RASA3: variants seen among roughly 807,000 people sequenced by gnomAD.
The protein encoded by RASA3 is RAS p21 protein activator 3, also known as ras GTPase-activating protein 3.
A neutral mutation model predicts 110.0 loss-of-function variants in RASA3; 73 were observed. The ratio of observed to expected loss-of-function variants is 0.66; its 90% CI spans 0.55 to 0.81. The LOEUF (loss-of-function observed/expected upper bound fraction) is 0.81. Among genes scored for constraint, RASA3 ranks in the 30% least tolerant of loss-of-function variants. The probability of loss-of-function intolerance (pLI) is 0.00; values close to 1 mark genes in which losing one functional copy is unlikely to be tolerated. For synonymous variants in RASA3, 500 were observed against 451.4 expected (o/e 1.11, Z -1.37); for missense variants, 976 against 1,113.2 (o/e 0.88, Z 1.75).
At chr13:113,990,824 T>C (rs1463368877) in intron 22 of RASA3, among the ~76,000 whole-genome samples, 1 of 152,252 alleles carries the variant, frequency 6.6e-6, no homozygotes, top group African/African-American at 2.4e-5. Context: ...CACATGTACC[T>C]GTATGTTCAT....
At chr13:114,083,545 G>A (rs556044961) in intron 1 of RASA3, among the ~76,000 whole-genome samples, 1 of 139,480 alleles carries the variant, frequency 7.2e-6, no homozygotes, top group African/African-American at 2.6e-5. Context: ...TCGTCCTCGC[G>A]GGGAAATCAC....
At chr13:114,089,937 G>A (rs2079870495) in intron 1 of RASA3, among the ~76,000 whole-genome samples, 1 of 151,874 alleles carries the variant, frequency 6.6e-6, no homozygotes, top group African/African-American at 2.4e-5. Flanking sequence ...TTCACTGAAC[G>A]TCCTGTCTTC....
chr13:114,038,994 C>T (rs894255493), intron 4 of RASA3, among the ~76,000 whole-genome samples: 4 of 152,240 alleles, frequency 2.6e-5, no homozygotes, highest in African/African-American at 2.4e-5. Flanking sequence ...ATTTACGATG[C>T]GCCAGGTGCC....
intron 1 of RASA3, among the ~76,000 whole-genome samples, chr13:114,113,168 G>A (rs779448613): frequency 1.3e-5 from 2 of 152,216 alleles, no homozygotes; most frequent in Non-Finnish European, 2.9e-5. Context: ...CTGTTTCCAC[G>A]GATGAGGCTT....
At chr13:114,017,960 G>T in intron 11 of RASA3, 144 bp downstream of exon 11, 2 of 985,326 alleles carry the variant, frequency 2.0e-6, no homozygotes, top group Non-Finnish European at 2.8e-6. Context: ...CTGGGTCTGT[G>T]AAAGAAAACC....
chr13:114,051,531 T>G (rs1420402756), intron 3 of RASA3, among the ~76,000 whole-genome samples: 2 of 152,152 alleles, frequency 1.3e-5, no homozygotes, highest in Non-Finnish European at 2.9e-5. Context: ...GCCCATGAGC[T>G]TTCTCCAAGA....
At chr13:114,110,827 T>C (rs556455189) in intron 1 of RASA3, among the ~76,000 whole-genome samples, 2 of 152,236 alleles carry the variant, frequency 1.3e-5, no homozygotes, top group East Asian at 3.9e-4. Flanking sequence ...CACCACAGAC[T>C]GTGCTTGGCT....
At chr13:114,032,768 ACGGCACCCCCACACTGACACCACG>A in intron 4 of RASA3, among the ~76,000 whole-genome samples, 2 of 38,644 alleles carry the variant, frequency 5.2e-5, no homozygotes, top group African/African-American at 1.4e-4. Flanking sequence ...ACCACGCCCC[ACGGCACCCCCACACTGACACCACG>A]CCCCACGGCA....
In RASA3 at chr13:114,007,602, A is replaced by G. The variant is rs752364971; in HGVS notation, c.1673T>C (p.Leu558Ser). ...QKYADAVKNF[L>S]DLISSSGRRD... ...TCTCCCCGAGGACGAAATCAGATCC[A>G]AGAACTAAAGTTGGAAGAAATCAGG... Residue 558 changes from leucine (L) to serine (S), a missense_variant, in exon 18 of 24, where the codon TTG becomes TCG. Physicochemically the swap from Leu to Ser is moderately radical, Grantham distance 145. Around this residue, in one of 4 missense-constraint regions of RASA3, gnomAD observed 732 missense variants for 779.7 expected, o/e 0.94. Transcript: ENST00000334062. The G allele has an allele frequency of 6.2e-7, 1 of 1,612,184 alleles. No homozygotes were observed. The highest frequency in any genetic ancestry group is 1.1e-5 in the South Asian group (1 of 91,052).
chr13:114,022,403 C>T (rs973125315), intron 8 of RASA3, among the ~76,000 whole-genome samples: 5 of 152,176 alleles, frequency 3.3e-5, no homozygotes, highest in Non-Finnish European at 5.9e-5. Flanking sequence ...TGAAGTCATG[C>T]GTGGCCAGCC....
In RASA3 at chr13:114,100,470, G is replaced by A. The variant is rs117338470; in HGVS notation, c.56-26633C>T. Among the ~76,000 whole-genome samples the A allele has an allele frequency of 9.5e-3, 1,452 of 152,346 alleles. 17 individuals are homozygous for A. Among genetic ancestry groups the A allele is most frequent in the Middle Eastern group, 0.044 (13 of 294 alleles). On this transcript the variant is annotated intron_variant, in intron 1 of 23. Coordinates refer to ENST00000334062, the MANE Select transcript of RASA3 (RefSeq NM_007368.4). Reference sequence around the variant, plus strand: ...TCCTGGAGGCAGGGCTCTGTCAGGCGGAGGACGTGATGCTCAGAGCAGCCA... The same window carrying A: ...TCCTGGAGGCAGGGCTCTGTCAGGCAGAGGACGTGATGCTCAGAGCAGCCA...
chr13:114,075,982 G>T (rs1439423091), intron 1 of RASA3, among the ~76,000 whole-genome samples: 1 of 146,162 alleles, frequency 6.8e-6, no homozygotes. Context: ...CCGGCAGGAC[G>T]AAGCCTCCCG....
chr13:113,980,670 G>T (rs549058541), intron 23 of RASA3, among the ~76,000 whole-genome samples: 7 of 152,374 alleles, frequency 4.6e-5, no homozygotes, highest in Admixed American at 3.3e-4. Flanking sequence ...TGTCGAGAGG[G>T]ATCTGATATG....
chr13:114,055,739 T>A (rs1397209135), intron 2 of RASA3, among the ~76,000 whole-genome samples: 11 of 152,174 alleles, frequency 7.2e-5, no homozygotes, highest in Admixed American at 7.2e-4. Flanking sequence ...TCCAGCCCCG[T>A]TCGCTCCCGG....
rs750374445 is a variant in RASA3, at chr13:113,979,353, G to A, written c.2499C>T (p.Ser833=). 1.3e-6 allele frequency: 2 copies of A among 1,595,724 alleles called. No homozygotes were observed. Among genetic ancestry groups the A allele is most frequent in the African/African-American group, 1.3e-5 (1 of 74,506 alleles). The change falls in exon 24 of 24, where the codon TCC becomes TCT. Residue 833 remains serine (S), a synonymous_variant. Transcript: ENST00000334062. ...TGGGCGCGTCCCGCAGACTTTAAAT[G>A]GAATGAGTGGAGGTCTCGGACTGCT... is the stretch of plus-strand genomic sequence containing the variant. ...IRQQSETSTH[S]I is the part of the protein sequence containing the mutation.
At position 114,052,104 on chromosome 13, in the gene RASA3, G is replaced by A; in HGVS notation, c.225C>T (p.His75=). The change falls in exon 3 of 24, where the codon CAC becomes CAT. Residue 75 remains histidine (H), a synonymous_variant. Coordinates refer to ENST00000334062, the MANE Select transcript of RASA3 (RefSeq NM_007368.4). ...CTCTATCGAAAATGTAGAAGGACAGGTGACGAAAGCTCCGAGGAATTTCAC... is the reference window on the plus strand; with the variant it reads ...CTCTATCGAAAATGTAGAAGGACAGATGACGAAAGCTCCGAGGAATTTCAC... ...FYCEIPRSFR[H]LSFYIFDRDV... The A allele has an allele frequency of 6.2e-7, 1 of 1,613,596 alleles. No individual in the cohort carries two copies. The highest frequency in any genetic ancestry group is 8.5e-7 in the Non-Finnish European group (1 of 1,179,802).
chr13:114,063,611 C>T (rs1276210415), intron 2 of RASA3, among the ~76,000 whole-genome samples: 3 of 152,218 alleles, frequency 2.0e-5, no homozygotes, highest in African/African-American at 7.2e-5. Context: ...TCAGACGGCA[C>T]GTGTGTGCGT....
At chr13:114,078,124 T>A in intron 1 of RASA3, 4 of 548,026 alleles carry the variant, frequency 7.3e-6, no homozygotes, top group Non-Finnish European at 9.3e-6. Flanking sequence ...CAGCACGGCC[T>A]GGCCACGTCG....
At chr13:114,081,211 C>T (rs781548181) in intron 1 of RASA3, among the ~76,000 whole-genome samples, 1 of 150,062 alleles carries the variant, frequency 6.7e-6, no homozygotes. Flanking sequence ...TAGCAACGGG[C>T]CACACAGGAG....
Sources: allele counts gnomAD v4.1 joint callset (sites outside exome capture counted in the v4.1 genomes callset), GRCh38; gene constraint gnomAD v4.1.1; regional missense constraint gnomAD v4.1.1; transcripts MANE v1.5; gene names NCBI Gene and HGNC (gene_info 2026-07-23, HGNC 2026-07-21).